CXCL13: variants seen among roughly 807,000 people sequenced by gnomAD.
CXCL13 encodes C-X-C motif chemokine ligand 13.
In CXCL13, 7 loss-of-function variants were observed where a neutral mutation model predicts 12.2. The observed-to-expected ratio is 0.57, with a 90% CI of 0.33 to 1.07. The LOEUF is 1.07. Ranked by LOEUF, CXCL13 falls within the 50% of genes least tolerant of loss-of-function variation. The pLI is 0.04. For missense variants in CXCL13, 113 were observed against 127.4 expected (o/e 0.89, Z 0.55); for synonymous variants, 47 against 42.4 (o/e 1.11, Z -0.42).
chr4:77,602,057 T>C (rs1726889920), upstream of CXCL13, among the ~76,000 whole-genome samples: 1 of 152,246 alleles, frequency 6.6e-6, no homozygotes, highest in Non-Finnish European at 1.5e-5. Flanking sequence ...GAAAATGTTC[T>C]CAATTGTATC....
At chr4:77,522,514 CTTTTTTTTTTT>C (rs777857811) in intron 1 of CXCL13, among the ~76,000 whole-genome samples, 35 of 10,090 alleles carry the variant, frequency 3.5e-3, no homozygotes, top group African/African-American at 0.01. Flanking sequence ...GCAACCCCTG[CTTTTTTTTTTT>C]TTTTTTTTTT....
At chr4:77,557,211 T>C (rs903612522) in intron 1 of CXCL13, among the ~76,000 whole-genome samples, 1 of 152,238 alleles carries the variant, frequency 6.6e-6, no homozygotes, top group Admixed American at 6.5e-5. Context: ...TCCATTGTAT[T>C]AATAACAGGG....
At chr4:77,534,203 CA>C (rs746372160) in intron 1 of CXCL13, among the ~76,000 whole-genome samples, 3 of 152,026 alleles carry the variant, frequency 2.0e-5, no homozygotes, top group Admixed American at 1.3e-4. Context: ...AAAACAAAAA[CA>C]AAAGACATGC....
At chr4:77,554,857 T>C (rs1725622443) in intron 1 of CXCL13, among the ~76,000 whole-genome samples, 1 of 152,060 alleles carries the variant, frequency 6.6e-6, no homozygotes, top group Non-Finnish European at 1.5e-5. Flanking sequence ...TCACAAAGAA[T>C]ATGAGGATAT....
intron 1 of CXCL13, among the ~76,000 whole-genome samples, chr4:77,592,598 C>T (rs1726640385): frequency 6.6e-6 from 1 of 151,180 alleles, no homozygotes; most frequent in African/African-American, 2.4e-5. Context: ...TATAGTTTGT[C>T]AATATATAAT....
At chr4:77,530,397 A>T (rs1189497535) in intron 1 of CXCL13, among the ~76,000 whole-genome samples, 1 of 152,126 alleles carries the variant, frequency 6.6e-6, no homozygotes, top group Non-Finnish European at 1.5e-5. Flanking sequence ...CTGTGAATCC[A>T]TCTGGTCCTG....
rs777857811 is a variant in CXCL13, at chr4:77,522,514, C to CTTTTTTTTTTTTTTTTTTTT, written c.-43+10737_-43+10756dup. On this transcript the variant is annotated intron_variant, in intron 1 of 4. Transcript: ENST00000286758. ...TCAGAGACTAGGACTGCAACCCCTG[C>CTTTTTTTTTTTTTTTTTTTT]TTTTTTTTTTTTTTTTTTTTTTTTT... Among the ~76,000 whole-genome samples, 3 of 10,090 alleles carry CTTTTTTTTTTTTTTTTTTTT rather than the reference C, an allele frequency of 3.0e-4. 1 individual carries two copies. The highest frequency in any genetic ancestry group is 3.9e-4 in the African/African-American group (1 of 2,558). The allele number at this position is 10,090 out of a possible 152,430, so 6.6% of individuals were successfully genotyped here. A position where few individuals can be genotyped will look rare whatever the true frequency, so the allele number is the denominator to read the frequency against.
chr4:77,544,967 C>G (rs570487122), intron 1 of CXCL13, among the ~76,000 whole-genome samples: 1 of 152,272 alleles, frequency 6.6e-6, no homozygotes, highest in South Asian at 2.1e-4. Context: ...CTACATATGG[C>G]TAGGCAGTTT....
At chr4:77,600,969 G>A (rs1372814108), upstream of CXCL13, among the ~76,000 whole-genome samples, 1 of 152,064 alleles carries the variant, frequency 6.6e-6, no homozygotes, top group African/African-American at 2.4e-5. Flanking sequence ...TTGAAATAAT[G>A]CAACACACCC....
chr4:77,521,794 T>G (rs2110080409), intron 1 of CXCL13, among the ~76,000 whole-genome samples: 1 of 152,308 alleles, frequency 6.6e-6, no homozygotes, highest in Admixed American at 6.5e-5. Flanking sequence ...TTTTTTTAAT[T>G]GTGATGTTAG....
chr4:77,581,111 T>C (rs1578063602), intron 1 of CXCL13, among the ~76,000 whole-genome samples: 1 of 151,206 alleles, frequency 6.6e-6, no homozygotes, highest in Non-Finnish European at 1.5e-5. Context: ...AATAGGGGAG[T>C]GATAGCTAAA....
chr4:77,515,784 C>T (rs538601092), intron 1 of CXCL13, among the ~76,000 whole-genome samples: 2,225 of 152,224 alleles, frequency 0.015, 36 homozygotes, highest in Non-Finnish European at 0.022. Flanking sequence ...CTTTTCCTAA[C>T]TGAATACCCT....
intron 1 of CXCL13, among the ~76,000 whole-genome samples, chr4:77,550,719 A>C (rs1315441291): frequency 6.6e-6 from 1 of 152,108 alleles, no homozygotes; most frequent in African/African-American, 2.4e-5. Context: ...AGGGTGTTAA[A>C]ATTCCCCAAT....
chr4:77,572,888 G>A (rs1008579739), intron 1 of CXCL13, among the ~76,000 whole-genome samples: 1 of 151,290 alleles, frequency 6.6e-6, no homozygotes, highest in Non-Finnish European at 1.5e-5. Context: ...TATACACCAT[G>A]GAATACTATG....
chr4:77,579,003 T>G (rs1183161256), intron 1 of CXCL13, among the ~76,000 whole-genome samples: 1 of 152,190 alleles, frequency 6.6e-6, no homozygotes, highest in Non-Finnish European at 1.5e-5. Context: ...CTTCATCATC[T>G]TTTCTTTGAT....
At position 77,516,244 on chromosome 4, in the gene CXCL13, A is replaced by G. The variant is rs558679901; in HGVS notation, c.-43+4456A>G. On this transcript the variant is annotated intron_variant, in intron 1 of 4. Coordinates refer to the CXCL13 transcript ENST00000286758. ...ATTGAGGATTTTTGCATCAATGTTC[A>G]TCAAGGATATTGGTCTAAAATTCTC... Among the ~76,000 whole-genome samples the G allele has an allele frequency of 3.7e-4, 57 of 152,316 alleles. No homozygotes were observed. The South Asian group carries it at 6.0e-3, about 16-fold the overall frequency.
chr4:77,577,816 C>T (rs1482671731), intron 1 of CXCL13, among the ~76,000 whole-genome samples: 2 of 152,150 alleles, frequency 1.3e-5, no homozygotes, highest in Non-Finnish European at 1.5e-5. Flanking sequence ...CCAGGGAGAC[C>T]TGCTCCCTTC....
rs532040331 is a variant in CXCL13 at position 77,555,900 on chromosome 4, T to C, written c.-43+44112T>C. ...TTTCAGCCATAAAGTTAAAGCCACATTGATATATTTTTACATACCCATAGA... is the reference window on the plus strand; with the variant it reads ...TTTCAGCCATAAAGTTAAAGCCACACTGATATATTTTTACATACCCATAGA... On this transcript the variant is annotated intron_variant, in intron 1 of 4. Transcript: ENST00000286758. Among the ~76,000 whole-genome samples the C allele has an allele frequency of 1.1e-4, 16 of 152,330 alleles. No homozygotes were observed. The South Asian group carries it at 2.5e-3, about 24-fold the overall frequency.
At chr4:77,569,486 G>T in intron 1 of CXCL13, among the ~76,000 whole-genome samples, 1 of 151,980 alleles carries the variant, frequency 6.6e-6, no homozygotes, top group Non-Finnish European at 1.5e-5. Flanking sequence ...CAAACCAAAA[G>T]CCAAATCAGG....
Sources: gnomAD v4.1 joint callset for allele counts (sites outside exome capture counted in the v4.1 genomes callset) on GRCh38, gnomAD v4.1.1 for gene constraint, MANE v1.5 for transcripts, NCBI Gene and HGNC (gene_info 2026-07-23, HGNC 2026-07-21) for gene names.